Variants in TMOD2 observed in about 807,000 individuals in gnomAD.
TMOD2 encodes tropomodulin 2.
In TMOD2, 22 loss-of-function variants were observed where a neutral mutation model predicts 39.9. That is an observed-to-expected ratio of 0.55 (90% CI 0.39 to 0.79). The LOEUF is 0.79. Ranked by LOEUF, TMOD2 falls within the 30% of genes least tolerant of loss-of-function variation. The pLI is 0.00. For synonymous variants in TMOD2, 123 were observed against 146.1 expected (o/e 0.84, Z 1.14); for missense variants, 386 against 413.3 (o/e 0.93, Z 0.57).
At chr15:51,756,241 C>A (rs1054340477) in intron 1 of TMOD2, 1 of 152,224 alleles carries the variant, frequency 6.6e-6, no homozygotes, top group African/African-American at 2.4e-5. Flanking sequence ...CTAGCTTACA[C>A]TATGGTGGCT....
chr15:51,766,338 G>T, intron 1 of TMOD2, 35 bp from the exon 2 acceptor site: 1 of 1,109,708 alleles, frequency 9.0e-7, no homozygotes. Context: ...ACAGAACGGA[G>T]ATTCTTTTTT....
In TMOD2 at chr15:51,811,496, T is replaced by C. The variant is rs1020229911; in HGVS notation, c.*3042T>C. On this transcript the variant is annotated 3_prime_UTR_variant, in exon 10 of 10. Transcript: ENST00000249700. Reference sequence around the variant, plus strand: ...CAACATCTATTATGGCACATGTAGATGACATTTAGGAGAAAAACCTTAGAA... The same window carrying C: ...CAACATCTATTATGGCACATGTAGACGACATTTAGGAGAAAAACCTTAGAA... The C allele has an allele frequency of 6.6e-6, 1 of 152,274 alleles. No individual in the cohort carries two copies. Among genetic ancestry groups the C allele is most frequent in the Non-Finnish European group, 1.5e-5 (1 of 68,064 alleles). 9.4% of individuals were successfully genotyped at this position (152,274 alleles called of 1,614,324 possible).
intron 7 of TMOD2, chr15:51,784,868 C>A (rs1284923401): frequency 6.6e-6 from 1 of 152,136 alleles, no homozygotes; most frequent in Non-Finnish European, 1.5e-5. Flanking sequence ...AGTAAAATTG[C>A]AGGGCTGGGG....
chr15:51,779,691 T>C (rs1319937257), intron 5 of TMOD2, among the ~76,000 whole-genome samples: 1 of 151,986 alleles, frequency 6.6e-6, no homozygotes, highest in Admixed American at 6.6e-5. Context: ...AGATACTTTT[T>C]TTTTTTTGAG....
rs2056173467 is a variant in TMOD2 at position 51,813,992 on chromosome 15, C to G, written c.*5538C>G. On this transcript the variant is annotated 3_prime_UTR_variant, in exon 10 of 10. Coordinates refer to ENST00000249700, the MANE Select transcript of TMOD2 (RefSeq NM_014548.4). Reference sequence around the variant, plus strand: ...ATCAGGGACTGGAGTTATTTCAGCTCCCATGTAGAGGTGGGAGAGGTGGTT... The same window carrying G: ...ATCAGGGACTGGAGTTATTTCAGCTGCCATGTAGAGGTGGGAGAGGTGGTT... 1 of 152,078 alleles carries G rather than the reference C, an allele frequency of 6.6e-6. No individual in the cohort carries two copies. Among genetic ancestry groups the G allele is most frequent in the East Asian group, 1.9e-4 (1 of 5,186 alleles). The allele number at this position is 152,078 out of a possible 1,614,324, so 9.4% of individuals were successfully genotyped here.
chr15:51,779,153 A>T (rs1413513721), intron 5 of TMOD2, among the ~76,000 whole-genome samples: 1 of 152,054 alleles, frequency 6.6e-6, no homozygotes, highest in East Asian at 1.9e-4. Context: ...TAGAGACAGG[A>T]TCTTGCTATG....
chr15:51,813,405 C>A lies in TMOD2; in HGVS notation c.*4951C>A, dbSNP rs2056168659. ...ACTTGGGGGAGGATGAAGGAGAGAA[C>A]TGATGACCTAGACATAGAAAAGAGT... On this transcript the variant is annotated 3_prime_UTR_variant, in exon 10 of 10. Transcript: ENST00000249700. 6.6e-6 allele frequency: 1 copy of A among 152,182 alleles called. No homozygotes were observed. The highest frequency in any genetic ancestry group is 1.5e-5 in the Non-Finnish European group (1 of 68,080). 9.4% of individuals were successfully genotyped at this position (152,182 alleles called of 1,614,324 possible).
rs144987607 is a variant in TMOD2, at chr15:51,756,762, G to A, written c.-70+5050G>A. ...TTTCAGCTTGTTCCTTCCCATTGCC[G>A]TACCATATTTCAGACTGAGACTTCT... On this transcript the variant is annotated intron_variant, in intron 1 of 9. Coordinates refer to ENST00000249700, the MANE Select transcript of TMOD2 (RefSeq NM_014548.4). Among the ~76,000 whole-genome samples the A allele has an allele frequency of 9.9e-5, 15 of 152,194 alleles. No individual in the cohort carries two copies. In the East Asian group the frequency reaches 1.2e-3, roughly 12 times the overall value.
chr15:51,801,813 A>G (rs2056092208), intron 8 of TMOD2, among the ~76,000 whole-genome samples: 1 of 152,104 alleles, frequency 6.6e-6, no homozygotes, highest in Non-Finnish European at 1.5e-5. Flanking sequence ...GTGACTTAAA[A>G]TATAAAAAGA....
At chr15:51,805,149 G>A (rs1036297986) in intron 8 of TMOD2, among the ~76,000 whole-genome samples, 9 of 151,186 alleles carry the variant, frequency 6.0e-5, no homozygotes, top group African/African-American at 1.9e-4. Flanking sequence ...TAGTAGAAAC[G>A]GCGTTTCACC....
chr15:51,756,133 A>G (rs1436565650), intron 1 of TMOD2, among the ~76,000 whole-genome samples: 1 of 152,214 alleles, frequency 6.6e-6, no homozygotes, highest in African/African-American at 2.4e-5. Context: ...AGGACCCGCC[A>G]TGAGAATTAG....
At chr15:51,793,469 A>C (rs1471419568) in intron 7 of TMOD2, among the ~76,000 whole-genome samples, 4 of 152,198 alleles carry the variant, frequency 2.6e-5, no homozygotes, top group Non-Finnish European at 5.9e-5. Context: ...CACATTTCTC[A>C]TGGCTACCAT....
chr15:51,808,615 C>A lies in TMOD2; in HGVS notation c.*161C>A. On this transcript the variant is annotated 3_prime_UTR_variant, in exon 10 of 10. Coordinates refer to ENST00000249700, the MANE Select transcript of TMOD2 (RefSeq NM_014548.4). ...TTCTTTTTTAGCACTACTTATTTATCTTGGATTTTGTAATATATGCAATTG... is the reference window on the plus strand; with the variant it reads ...TTCTTTTTTAGCACTACTTATTTATATTGGATTTTGTAATATATGCAATTG... 2.0e-6 allele frequency: 1 copy of A among 490,204 alleles called. No individual in the cohort carries two copies. Among genetic ancestry groups the A allele is most frequent in the Middle Eastern group, 2.9e-4 (1 of 3,426 alleles). The allele number at this position is 490,204 out of a possible 1,614,324, so 30.4% of individuals were successfully genotyped here.
intron 1 of TMOD2, among the ~76,000 whole-genome samples, chr15:51,756,731 T>G (rs1453868375): frequency 6.6e-6 from 1 of 152,228 alleles, no homozygotes; most frequent in Non-Finnish European, 1.5e-5. Flanking sequence ...CTGTTCCTCT[T>G]TCCTCTTTCA....
At chr15:51,758,442 C>T (rs2055757556) in intron 1 of TMOD2, among the ~76,000 whole-genome samples, 1 of 152,116 alleles carries the variant, frequency 6.6e-6, no homozygotes. Flanking sequence ...TAGATGATCT[C>T]AGAAAGCTCC....
intron 4 of TMOD2, among the ~76,000 whole-genome samples, chr15:51,775,771 C>G (rs950272820): frequency 6.6e-6 from 1 of 151,746 alleles, no homozygotes; most frequent in African/African-American, 2.4e-5. Context: ...AGAGACGGGG[C>G]TTCGCCATGT....
rs758533100 is a variant in TMOD2 at position 51,766,484 on chromosome 15, A to G, written c.43A>G (p.Ile15Val). ...AAAAGAGCTGGAGAAATACAAGAAC[A>G]TTGATGAAGATGAGCTTCTTGGCAA... Reference protein sequence around the residue: ...FQKELEKYKNIDEDELLGKLS... With the variant: ...FQKELEKYKNVDEDELLGKLS... The change falls in exon 2 of 10, where the codon ATT becomes GTT. Residue 15 changes from isoleucine (I) to valine (V), a missense_variant. Coordinates refer to ENST00000249700, the MANE Select transcript of TMOD2 (RefSeq NM_014548.4). 4.5e-5 allele frequency: 72 copies of G among 1,614,098 alleles called. No individual in the cohort carries two copies. In the South Asian group the frequency reaches 6.6e-4, roughly 15 times the overall value.
chr15:51,772,231 A>G (rs1166106992), intron 3 of TMOD2, among the ~76,000 whole-genome samples: 1 of 152,120 alleles, frequency 6.6e-6, no homozygotes, highest in African/African-American at 2.4e-5. Context: ...CTGGAGTGAG[A>G]TGAGCCTTTA....
chr15:51,777,084 A>T, intron 5 of TMOD2, 66 bp downstream of exon 5: 1 of 1,339,696 alleles, frequency 7.5e-7, no homozygotes, highest in Non-Finnish European at 1.1e-6. Flanking sequence ...GGTAGGAGAG[A>T]GGCCTGTTGA....
Sources: gnomAD v4.1 joint callset for allele counts (sites outside exome capture counted in the v4.1 genomes callset) on GRCh38, gnomAD v4.1.1 for gene constraint, MANE v1.5 for transcripts, NCBI Gene and HGNC (gene_info 2026-07-23, HGNC 2026-07-21) for gene names.